The following GNAL variants were observed in gnomAD, a reference collection of about 807,000 sequenced individuals.
GNAL encodes guanine nucleotide-binding protein G(olf) subunit alpha.
In GNAL, 18 loss-of-function variants were observed where a neutral mutation model predicts 55.1. That is an observed-to-expected ratio of 0.33 (90% CI 0.23 to 0.48). The LOEUF (loss-of-function observed/expected upper bound fraction) is 0.48, where lower values mean the gene tolerates loss of function less well. Among genes scored for constraint, GNAL ranks in the 20% least tolerant of loss-of-function variants. The pLI, the probability that GNAL is intolerant of heterozygous loss-of-function variation, is 0.99. For missense variants in GNAL, 412 were observed against 614.1 expected (o/e 0.67, Z 3.48); for synonymous variants, 253 against 237.0 (o/e 1.07, Z -0.62).
At chr18:11,740,772 G>A (rs2032559618) in intron 1 of GNAL, among the ~76,000 whole-genome samples, 1 of 152,192 alleles carries the variant, frequency 6.6e-6, no homozygotes, top group Admixed American at 6.5e-5. Context: ...TTGAATGTCA[G>A]TCTCAACTTA....
intron 8 of GNAL, among the ~76,000 whole-genome samples, chr18:11,867,510 C>T (rs1156821991): frequency 6.6e-6 from 1 of 151,922 alleles, no homozygotes. Flanking sequence ...GAAACTGGGG[C>T]TCTGTTAAAA....
rs866386125 is a variant in GNAL, at chr18:11,871,740, G to A, written c.1032-528G>A. Among the ~76,000 whole-genome samples, 7 of 152,188 alleles carry A rather than the reference G, an allele frequency of 4.6e-5. No homozygotes were observed. In the Middle Eastern group the frequency reaches 0.014, roughly 296 times the overall value. On this transcript the variant is annotated intron_variant, in intron 9 of 11. Coordinates refer to ENST00000334049, the MANE Select transcript of GNAL (RefSeq NM_182978.4). ...AATGTGAGTTTTCCGACCTTTTATT[G>A]GTAAATTACACCACAGAAATTCAAG...
rs1238893413 is a variant in GNAL at position 11,756,859 on chromosome 18, TAAAC to T, written c.624+2918_624+2921del. ...AGAGCTAAATCAAGTATTTTAATAG[TAAAC>T]AAAACACTGTTTTACTCAGTCCAGT... On this transcript the variant is annotated intron_variant, in intron 4 of 11. Coordinates refer to ENST00000334049, the MANE Select transcript of GNAL (RefSeq NM_182978.4). 3.3e-5 allele frequency among the ~76,000 whole-genome samples: 5 copies of T among 152,306 alleles called. No homozygotes were observed. The East Asian group carries it at 9.6e-4, about 29-fold the overall frequency.
At chr18:11,712,228 G>C (rs1033053083) in intron 1 of GNAL, among the ~76,000 whole-genome samples, 2 of 152,054 alleles carry the variant, frequency 1.3e-5, no homozygotes, top group Non-Finnish European at 2.9e-5. Flanking sequence ...TTGGTCCCTT[G>C]GGCAACACAT....
chr18:11,704,176 C>T (rs1161359689), intron 1 of GNAL, among the ~76,000 whole-genome samples: 1 of 152,326 alleles, frequency 6.6e-6, no homozygotes, highest in South Asian at 2.1e-4. Flanking sequence ...TGAGTCACAG[C>T]CTTCTGCACT....
At chr18:11,813,398 G>C (rs2034872640) in intron 4 of GNAL, among the ~76,000 whole-genome samples, 1 of 152,058 alleles carries the variant, frequency 6.6e-6, no homozygotes, top group Non-Finnish European at 1.5e-5. Flanking sequence ...ATACCAACAG[G>C]CTTTTTTATA....
In GNAL at chr18:11,881,911, C is replaced by A. The variant is rs1403918425; in HGVS notation, c.*776C>A. ...CTACTAAAGAAAAATCCTTGTAGAT[C>A]TTTGTGCCTTCACCATGGCTATCTA... On this transcript the variant is annotated 3_prime_UTR_variant, in exon 12 of 12. Transcript: ENST00000334049. The surrounding 1 kb of genome is among the most constrained non-coding windows in gnomAD (Gnocchi z 4.8). The A allele has an allele frequency of 6.6e-6, 1 of 152,596 alleles. No homozygotes were observed. Among genetic ancestry groups the A allele is most frequent in the Non-Finnish European group, 1.5e-5 (1 of 68,044 alleles). The allele number at this position is 152,596 out of a possible 1,614,324, so 9.5% of individuals were successfully genotyped here.
chr18:11,749,125 CAA>C (rs368135476), intron 1 of GNAL, among the ~76,000 whole-genome samples: 46,263 of 86,884 alleles, frequency 0.53, 8,959 homozygotes, highest in African/African-American at 0.62. Context: ...GACTCCATCT[CAA>C]AAAAAAAAAA....
chr18:11,814,466 T>C (rs2034900917), intron 4 of GNAL, among the ~76,000 whole-genome samples: 1 of 151,876 alleles, frequency 6.6e-6, no homozygotes, highest in East Asian at 1.9e-4. Context: ...AGACAGATGT[T>C]GCAGTGACCA....
chr18:11,748,978 T>C (rs1460092124), intron 1 of GNAL, among the ~76,000 whole-genome samples: 1 of 151,850 alleles, frequency 6.6e-6, no homozygotes, highest in East Asian at 1.9e-4. Flanking sequence ...TACAAAAAAT[T>C]AGCTGGGTGT....
chr18:11,762,745 A>G (rs560256271), intron 4 of GNAL, among the ~76,000 whole-genome samples: 2 of 152,330 alleles, frequency 1.3e-5, no homozygotes, highest in East Asian at 1.9e-4. Context: ...TGGGGGAGTG[A>G]CAAAAATGCA....
chr18:11,867,436 T>TGG (rs2036288635), intron 8 of GNAL, among the ~76,000 whole-genome samples: 1 of 152,030 alleles, frequency 6.6e-6, no homozygotes, highest in Non-Finnish European at 1.5e-5. Flanking sequence ...CCCAGCACCT[T>TGG]GGGAGGCCAA....
chr18:11,760,108 C>G (rs936690509), intron 4 of GNAL, among the ~76,000 whole-genome samples: 1 of 152,104 alleles, frequency 6.6e-6, no homozygotes, highest in African/African-American at 2.4e-5. Flanking sequence ...CGCCTCCTCT[C>G]CCCGCAGCTC....
rs2036687455 is a variant in GNAL at position 11,881,374 on chromosome 18, C to G, written c.*239C>G. 1 of 447,512 alleles carries G rather than the reference C, an allele frequency of 2.2e-6. No individual in the cohort carries two copies. The highest frequency in any genetic ancestry group is 4.1e-6 in the Non-Finnish European group (1 of 245,186). The allele number at this position is 447,512 out of a possible 1,614,324, so 27.7% of individuals were successfully genotyped here. A position where few individuals can be genotyped will look rare whatever the true frequency, so the allele number is the denominator to read the frequency against. On this transcript the variant is annotated 3_prime_UTR_variant, in exon 12 of 12. Coordinates refer to ENST00000334049, the MANE Select transcript of GNAL (RefSeq NM_182978.4). This position sits in a 1 kb window ranked among gnomAD's most constrained non-coding sequence, Gnocchi z 4.8. ...AAACCACCGACTCTCATTGCCGACA[C>G]TGCAGCAGAATCTCTCCGGGTGGGA...
intron 4 of GNAL, among the ~76,000 whole-genome samples, chr18:11,755,434 C>T (rs1274013006): frequency 5.3e-5 from 8 of 152,070 alleles, no homozygotes; most frequent in African/African-American, 1.2e-4. Context: ...CCACCTCACC[C>T]GGCTAATGTT....
At position 11,700,836 on chromosome 18, in the gene GNAL, C is replaced by T. The variant is rs9989523; in HGVS notation, c.376+10897C>T. On this transcript the variant is annotated intron_variant, in intron 1 of 11. Coordinates refer to ENST00000334049, the MANE Select transcript of GNAL (RefSeq NM_182978.4). Reference sequence around the variant, plus strand: ...TTCTTTCTGAATAAGTGAACTTCTCCCAGAAAAAGCATAAGAAGACAATAT... The same window carrying T: ...TTCTTTCTGAATAAGTGAACTTCTCTCAGAAAAAGCATAAGAAGACAATAT... Among the ~76,000 whole-genome samples, 471 of 152,236 alleles carry T rather than the reference C, an allele frequency of 3.1e-3. 3 individuals carry two copies. Among genetic ancestry groups the T allele is most frequent in the African/African-American group, 0.011 (441 of 41,514 alleles).
At chr18:11,714,298 T>G (rs1054096265) in intron 1 of GNAL, among the ~76,000 whole-genome samples, 1 of 152,156 alleles carries the variant, frequency 6.6e-6, no homozygotes, top group Non-Finnish European at 1.5e-5. Flanking sequence ...ATTTGTGGAC[T>G]GTGCTTTTTC....
chr18:11,815,214 T>C (rs2034924351), intron 4 of GNAL, among the ~76,000 whole-genome samples: 1 of 152,184 alleles, frequency 6.6e-6, no homozygotes, highest in South Asian at 2.1e-4. Flanking sequence ...TATATACTCA[T>C]TGAAGCACCA....
At position 11,747,850 on chromosome 18, in the gene GNAL, G is replaced by A. The variant is rs534110268; in HGVS notation, c.377-5003G>A. On this transcript the variant is annotated intron_variant, in intron 1 of 11. Transcript: ENST00000334049. ...AGGACCTTCTCTTCCTGGCTCTGGC[G>A]CAGTCAGCCTGGACCCTCTGCCGGT... Among the ~76,000 whole-genome samples, 17 of 152,292 alleles carry A rather than the reference G, an allele frequency of 1.1e-4. No individual in the cohort carries two copies. In the South Asian group the frequency reaches 2.9e-3, roughly 26 times the overall value.
Sources: gnomAD v4.1 joint callset for allele counts (sites outside exome capture counted in the v4.1 genomes callset) on GRCh38, gnomAD v4.1.1 for gene constraint, Gnocchi (gnomAD v3.1) non-coding constraint, MANE v1.5 for transcripts, NCBI Gene and HGNC (gene_info 2026-07-23, HGNC 2026-07-21) for gene names.